The following NUP214 variants were observed in gnomAD, a reference collection of about 807,000 sequenced individuals.
NUP214 encodes nucleoporin 214, also known as nuclear pore complex protein Nup214.
A neutral mutation model predicts 196.2 loss-of-function variants in NUP214; 79 were observed. That is an observed-to-expected ratio of 0.40 (90% confidence interval 0.34 to 0.49). NUP214 has a LOEUF of 0.49. NUP214 is among the 20% of genes least tolerant of loss of function. The probability of loss-of-function intolerance (pLI) is 0.58; values close to 1 mark genes in which losing one functional copy is unlikely to be tolerated. For missense variants in NUP214, 2,468 were observed against 2,539.0 expected, an observed-to-expected ratio of 0.97 and a Z score of 0.60; for synonymous variants, 1,020 against 990.5, an observed-to-expected ratio of 1.03 and a Z score of -0.56.
At chr9:131,141,737 C>T (rs926224925) in intron 11 of NUP214, 1 of 152,052 alleles carries the variant, frequency 6.6e-6, no homozygotes, top group African/African-American at 2.4e-5. Flanking sequence ...CTTCAGCCTC[C>T]CAAAGTGCTG....
At chr9:131,224,496 A>G (rs1211031970) in intron 32 of NUP214, among the ~76,000 whole-genome samples, 1 of 152,182 alleles carries the variant, frequency 6.6e-6, no homozygotes, top group African/African-American at 2.4e-5. Flanking sequence ...TATGCAGGGG[A>G]TGCTCTGAAA....
rs756481127 is a variant in NUP214 at position 131,178,358 on chromosome 9, G to A, written c.3367G>A (p.Val1123Ile). ...AACGTTGAAGAATGTCCCTCAAGTG[G>A]TAAATGTGCAGGAATTGAAGAATAA... is the stretch of plus-strand genomic sequence containing the variant. Reference protein sequence around the residue: ...ESTLKNVPQVVNVQELKNNPA... With the variant: ...ESTLKNVPQVINVQELKNNPA... The change falls in exon 24 of 36, where the codon GTA (valine) becomes ATA (isoleucine). Residue 1123 changes from valine to isoleucine, a missense_variant. Val to Ile is a conservative substitution (Grantham distance 29). Around this residue, in one of 5 missense-constraint regions of NUP214, gnomAD observed 1,801 missense variants for 1,779.4 expected, o/e 1.01. Coordinates refer to ENST00000359428, the MANE Select transcript of NUP214 (RefSeq NM_005085.4). 1.3e-4 allele frequency: 205 copies of A among 1,613,962 alleles called. No homozygotes were observed. Among genetic ancestry groups the A allele is most frequent in the Non-Finnish European group, 1.7e-4 (201 of 1,179,968 alleles).
At chr9:131,193,624 C>CTTT (rs1564202971) in intron 27 of NUP214, among the ~76,000 whole-genome samples, 2 of 17,656 alleles carry the variant, frequency 1.1e-4, no homozygotes, top group East Asian at 2.1e-3. Flanking sequence ...ATTCTTCTTC[C>CTTT]TTTTCTTTTT....
chr9:131,130,151 G>GTTTTTTTTTTTTTTTTTT (rs56836232), intron 4 of NUP214, among the ~76,000 whole-genome samples: 1 of 109,200 alleles, frequency 9.2e-6, no homozygotes, highest in African/African-American at 3.6e-5. Flanking sequence ...TTTTTTTTTT[G>GTTTTTTTTTTTTTTTTTT]TTTTTTTTTT....
chr9:131,186,646 T>C (rs929304900), intron 24 of NUP214, among the ~76,000 whole-genome samples: 1 of 152,256 alleles, frequency 6.6e-6, no homozygotes, highest in East Asian at 1.9e-4. Context: ...ATGTGAACAC[T>C]AGTTATTGAA....
At chr9:131,129,654 G>C (rs1019633264) in intron 4 of NUP214, among the ~76,000 whole-genome samples, 177 bp downstream of exon 4, 2 of 152,056 alleles carry the variant, frequency 1.3e-5, no homozygotes, top group African/African-American at 4.8e-5. Context: ...GCCCAGGCTG[G>C]AGTACAGTGG....
intron 33 of NUP214, 93 bp from the exon 34 acceptor site, chr9:131,230,537 T>G: frequency 6.3e-6 from 9 of 1,433,868 alleles, no homozygotes; most frequent in Non-Finnish European, 8.7e-6. Flanking sequence ...GAGTGTCGTG[T>G]GTATTGGGAC....
In NUP214 at chr9:131,197,548, G is replaced by C. The variant is rs142720685; in HGVS notation, c.4054G>C (p.Ala1352Pro). 42 of 1,614,158 alleles carry C rather than the reference G, an allele frequency of 2.6e-5. No individual in the cohort carries two copies. Among genetic ancestry groups the C allele is most frequent in the Admixed American group, 3.3e-5 (2 of 60,028 alleles). ...ADDSTKPTNKASSTSLTSTQP... is the reference protein window; with the variant it reads ...ADDSTKPTNKPSSTSLTSTQP... The stretch of plus-strand genomic sequence containing the variant: ...TGATTCTACAAAACCAACCAATAAG[G>C]CTTCATCCACAAGCCTAACTAGTAC... The change falls in exon 29 of 36, where the codon GCT (alanine) becomes CCT (proline). Residue 1352 changes from alanine to proline, a missense_variant. Ala to Pro is a conservative substitution (Grantham distance 27). Coordinates refer to ENST00000359428, the MANE Select transcript of NUP214 (RefSeq NM_005085.4).
intron 17 of NUP214, among the ~76,000 whole-genome samples, chr9:131,154,446 GTCTA>G (rs552065644): frequency 2.4e-3 from 363 of 151,944 alleles, no homozygotes; most frequent in African/African-American, 8.1e-3. Flanking sequence ...CTGTCTGTCT[GTCTA>G]TCTATCTATT....
chr9:131,195,171 T>A lies in NUP214; in HGVS notation c.3660-62T>A, dbSNP rs187322258. ...TATGAATGAATGATAAAATGGAATA[T>A]TAAGAGGGCAATATTGTGCCTTGGT... On this transcript the variant is annotated intron_variant, in intron 27 of 35. Coordinates refer to ENST00000359428, the MANE Select transcript of NUP214 (RefSeq NM_005085.4). 3.0e-5 allele frequency: 35 copies of A among 1,154,536 alleles called. No individual in the cohort carries two copies. The East Asian group carries it at 7.6e-4, about 25-fold the overall frequency. 71.5% of individuals were successfully genotyped at this position (1,154,536 alleles called of 1,614,324 possible). A position where few individuals can be genotyped will look rare whatever the true frequency, so the allele number is the denominator to read the frequency against.
At chr9:131,164,463 C>G in intron 21 of NUP214, 1 of 258,390 alleles carries the variant, frequency 3.9e-6, no homozygotes, top group Non-Finnish European at 7.4e-6. Flanking sequence ...TGAGCTGGAT[C>G]CTAGCCTCTG....
At chr9:131,141,413 A>G (rs916216533) in intron 11 of NUP214, among the ~76,000 whole-genome samples, 2 of 152,116 alleles carry the variant, frequency 1.3e-5, no homozygotes, top group African/African-American at 2.4e-5. Flanking sequence ...GAATGCACAC[A>G]TATAAATACT....
rs1831402111 is a variant in NUP214 at position 131,127,596 on chromosome 9, A to G, written c.118A>G (p.Ser40Gly). 6.2e-7 allele frequency: 1 copy of G among 1,614,072 alleles called. No homozygotes were observed. The highest frequency in any genetic ancestry group is 1.3e-5 in the African/African-American group (1 of 74,938). The change falls in exon 2 of 36, where the codon AGT becomes GGT. Residue 40 changes from serine (S) to glycine (G), a missense_variant. Around this residue, in one of 5 missense-constraint regions of NUP214, gnomAD observed 392 missense variants for 417.9 expected, o/e 0.94. Transcript: ENST00000359428. ...TGAGGAATTGCCCAAGGAACGCTCG[A>G]GTCTGCTTGCTGTGTCCAACAAATA... ...SPEELPKERSSLLAVSNKYGL... is the reference protein window; with the variant it reads ...SPEELPKERSGLLAVSNKYGL...
intron 14 of NUP214, among the ~76,000 whole-genome samples, chr9:131,148,542 T>C (rs1398857063): frequency 1.3e-5 from 2 of 152,062 alleles, no homozygotes; most frequent in African/African-American, 2.4e-5. Flanking sequence ...CCACCAAGAG[T>C]GTATGAGACT....
At chr9:131,223,041 G>A (rs1011369246) in intron 32 of NUP214, 111 bp downstream of exon 32, 18 of 966,404 alleles carry the variant, frequency 1.9e-5, no homozygotes, top group Non-Finnish European at 2.7e-5. Flanking sequence ...TAGGATTGGA[G>A]TAAAGAAGTT....
rs1366005565 is a variant in NUP214, at chr9:131,228,303, A to G, written c.6046A>G (p.Thr2016Ala). Residue 2016 changes from threonine to alanine, a missense_variant, in exon 33 of 36, where the codon ACT becomes GCT. Coordinates refer to ENST00000359428, the MANE Select transcript of NUP214 (RefSeq NM_005085.4). ...STGGKVFGEG[T>A]AAASAGGFGF... The stretch of plus-strand genomic sequence containing the variant: ...GGGAGGCAAAGTGTTCGGAGAGGGC[A>G]CTGCAGCTGCCAGCGCAGGAGGATT... 8.1e-6 allele frequency: 13 copies of G among 1,599,598 alleles called. No individual in the cohort carries two copies. The African/African-American group carries it at 8.1e-5, about 10-fold the overall frequency.
Position 131,144,578 on chromosome 9 carries a change from C to T in NUP214, c.1593C>T (p.Ala531=), listed in dbSNP as rs1389036282. ...TTCCCCCTTCTAAAGCCTCCCTAGC[C>T]CCCACCCCTGCAGCGTCTCCTGTGG... The part of the protein sequence containing the change: ...SFVPPSKASL[A]PTPAASPVAP... Residue 531 remains alanine, a synonymous_variant, in exon 12 of 36, where the codon GCC becomes GCT. Transcript: ENST00000359428. The T allele has an allele frequency of 6.2e-7, 1 of 1,614,098 alleles. No individual in the cohort carries two copies. Among genetic ancestry groups the T allele is most frequent in the South Asian group, 1.1e-5 (1 of 91,078 alleles).
At chr9:131,135,368 C>T (rs2133461756) in intron 8 of NUP214, 1 of 202,202 alleles carries the variant, frequency 4.9e-6, no homozygotes, top group Non-Finnish European at 9.8e-6. Flanking sequence ...CCGCACCCAG[C>T]CTGAAATCTT....
intron 30 of NUP214, among the ~76,000 whole-genome samples, chr9:131,207,784 A>G (rs1834125105): frequency 6.6e-6 from 1 of 152,210 alleles, no homozygotes; most frequent in South Asian, 2.1e-4. Flanking sequence ...CAGAGAGTGG[A>G]GCCCATCATA....
Sources: gnomAD v4.1 joint callset for allele counts (sites outside exome capture counted in the v4.1 genomes callset) on GRCh38, gnomAD v4.1.1 for gene constraint, gnomAD v4.1.1 regional missense constraint, MANE v1.5 for transcripts, NCBI Gene and HGNC (gene_info 2026-07-23, HGNC 2026-07-21) for gene names.